Variants in SLC45A2 observed in about 807,000 individuals in gnomAD.
SLC45A2 encodes the protein membrane-associated transporter protein.
SLC45A2 carries 36 observed loss-of-function variants against 45.5 expected under a neutral mutation model. The observed-to-expected ratio is 0.79, with a 90% confidence interval of 0.61 to 1.04. SLC45A2 has a LOEUF of 1.04. Among genes scored for constraint, SLC45A2 ranks in the 50% least tolerant of loss-of-function variants. SLC45A2 has a pLI of 0.00. For missense variants in SLC45A2, 719 were observed against 671.0 expected, an observed-to-expected ratio of 1.07 and a Z score of -0.79; for synonymous variants, 306 against 269.3, an observed-to-expected ratio of 1.14 and a Z score of -1.33.
chr5:33,975,578 C>T (rs183348592), intron 2 of SLC45A2, among the ~76,000 whole-genome samples: 2 of 152,226 alleles, frequency 1.3e-5, no homozygotes, highest in Admixed American at 1.3e-4. Context: ...TTATAATAGT[C>T]TTGGTCTTTA....
rs1223972295 is a variant in SLC45A2, at chr5:33,982,430, AT to A, written c.386-19del. 25 of 1,611,886 alleles carry A rather than the reference AT, an allele frequency of 1.6e-5. No individual in the cohort carries two copies. Among genetic ancestry groups the A allele is most frequent in the African/African-American group, 2.7e-5 (2 of 74,802 alleles). ...AATCAAAGCTAAAAGAAAAATAAAC[AT>A]TGGTCTCCTAAATCCTGTTTTAGAA... is the stretch of plus-strand genomic sequence containing the variant. On this transcript the variant is annotated intron_variant, in intron 1 of 6. Transcript: ENST00000296589.
chr5:33,960,195 A>G (rs1383243589), intron 3 of SLC45A2, among the ~76,000 whole-genome samples: 1 of 152,126 alleles, frequency 6.6e-6, no homozygotes, highest in Non-Finnish European at 1.5e-5. Flanking sequence ...ACAAGTTTAT[A>G]TCAACACCAG....
chr5:33,971,951 G>A (rs1243992351), intron 2 of SLC45A2: 4 of 428,570 alleles, frequency 9.3e-6, no homozygotes, highest in Non-Finnish European at 1.4e-5. Flanking sequence ...TGTATCTTCT[G>A]TAGAGATGGG....
At chr5:33,970,555 G>A (rs1387045039) in intron 2 of SLC45A2, among the ~76,000 whole-genome samples, 1 of 132,808 alleles carries the variant, frequency 7.5e-6, no homozygotes, top group East Asian at 2.5e-4. Flanking sequence ...TAGCTGGTTG[G>A]CTGACTGGCT....
chr5:33,969,065 C>CTCTCTCTCTCTCTCTCTCTGTGTG lies in SLC45A2; in HGVS notation c.563-5050_563-5049insCACACAGAGAGAGAGAGAGAGAGA. Among the ~76,000 whole-genome samples, 437 of 102,402 alleles carry CTCTCTCTCTCTCTCTCTCTGTGTG rather than the reference C, an allele frequency of 4.3e-3. 2 individuals are homozygous for CTCTCTCTCTCTCTCTCTCTGTGTG. The highest frequency in any genetic ancestry group is 0.023 in the East Asian group (92 of 3,964). 67.2% of individuals were successfully genotyped at this position (102,402 alleles called of 152,430 possible). On this transcript the variant is annotated intron_variant, in intron 2 of 6. Transcript: ENST00000296589. Reference sequence around the variant, plus strand: ...AGCTACTCTCTCTCTCTCTCTCTCTCTGTGTGTGTGTGTGTGTGTGTGTGT... The same window carrying CTCTCTCTCTCTCTCTCTCTGTGTG: ...AGCTACTCTCTCTCTCTCTCTCTCTCTCTCTCTCTCTCTCTCTCTGTGTGTGTGTGTGTGTGTGTGTGTGTGTGT...
At chr5:33,952,819 A>ATCTC (rs1752154307) in intron 4 of SLC45A2, among the ~76,000 whole-genome samples, 1 of 132,746 alleles carries the variant, frequency 7.5e-6, no homozygotes, top group Non-Finnish European at 1.6e-5. Context: ...CATTAGGTAT[A>ATCTC]TCTCCCAATG....
At chr5:33,946,214 C>T (rs1751922015) in intron 6 of SLC45A2, 4 of 985,448 alleles carry the variant, frequency 4.1e-6, no homozygotes, top group Non-Finnish European at 4.8e-6. Context: ...CCATTAGCAG[C>T]AACATCCCAC....
chr5:33,947,601 T>TTC (rs1751976940), intron 5 of SLC45A2, among the ~76,000 whole-genome samples: 1 of 152,192 alleles, frequency 6.6e-6, no homozygotes, highest in East Asian at 1.9e-4. Flanking sequence ...GGCTGATTTT[T>TTC]TTTCTACAAA....
intron 5 of SLC45A2, among the ~76,000 whole-genome samples, chr5:33,947,605 C>T (rs142167897): frequency 0.011 from 1,619 of 152,090 alleles, 12 homozygotes; most frequent in Non-Finnish European, 0.019. Flanking sequence ...GATTTTTTTT[C>T]TACAAAGAAG....
intron 3 of SLC45A2, among the ~76,000 whole-genome samples, chr5:33,962,692 G>C (rs917688605): frequency 6.6e-6 from 1 of 152,240 alleles, no homozygotes; most frequent in Non-Finnish European, 1.5e-5. Context: ...TAACACAAAT[G>C]TAAATGCCCA....
At chr5:33,972,445 T>C (rs953560822) in intron 2 of SLC45A2, 8 of 313,020 alleles carry the variant, frequency 2.6e-5, no homozygotes, top group Non-Finnish European at 4.5e-5. Flanking sequence ...AAATTAATTA[T>C]GGAGTAATTG....
intron 6 of SLC45A2, chr5:33,945,996 T>A: frequency 1.0e-6 from 1 of 985,476 alleles, no homozygotes; most frequent in Non-Finnish European, 1.2e-6. Context: ...CTTTTGTGTA[T>A]CATTGTGAAT....
chr5:33,961,472 T>G (rs1752453254), intron 3 of SLC45A2, among the ~76,000 whole-genome samples: 1 of 152,188 alleles, frequency 6.6e-6, no homozygotes, highest in Non-Finnish European at 1.5e-5. Context: ...TAAAAAAAAT[T>G]TTTTATGTCT....
In SLC45A2 at chr5:33,947,400, T is replaced by C. The variant is rs751928668; in HGVS notation, c.1157-26A>G. ...CTGTGGGAAGAAGAGAGGGAGAAAT[T>C]ACAGCTGGCAGTGCCTCATAACATT... is the stretch of plus-strand genomic sequence containing the variant. On this transcript the variant is annotated intron_variant, in intron 5 of 6. Coordinates refer to ENST00000296589, the MANE Select transcript of SLC45A2 (RefSeq NM_016180.5). 4 of 1,596,004 alleles carry C rather than the reference T, an allele frequency of 2.5e-6. No homozygotes were observed. The Admixed American group carries it at 6.7e-5, about 27-fold the overall frequency.
At chr5:33,965,122 C>T (rs1273119397) in intron 2 of SLC45A2, among the ~76,000 whole-genome samples, 1 of 152,130 alleles carries the variant, frequency 6.6e-6, no homozygotes, top group Non-Finnish European at 1.5e-5. Flanking sequence ...CTGAACAGAT[C>T]AGCTTTCATT....
intron 2 of SLC45A2, among the ~76,000 whole-genome samples, chr5:33,965,618 T>C (rs529315673): frequency 1.4e-4 from 21 of 152,324 alleles, no homozygotes; most frequent in Middle Eastern, 3.4e-3. Flanking sequence ...GGACAGATGA[T>C]GGTGAAGTGC....
intron 2 of SLC45A2, among the ~76,000 whole-genome samples, chr5:33,965,151 TG>T (rs1026794414): frequency 7.9e-5 from 12 of 152,156 alleles, no homozygotes; most frequent in Non-Finnish European, 1.2e-4. Context: ...TGATTTTTTT[TG>T]TGTGTGTGTA....
chr5:33,951,304 A>G (rs1446731671), intron 5 of SLC45A2: 5 of 1,027,208 alleles, frequency 4.9e-6, no homozygotes, highest in Non-Finnish European at 6.7e-6. Context: ...TTCATTTTCC[A>G]GAGAAACTTG....
chr5:33,972,698 G>C (rs188091951), intron 2 of SLC45A2: 1 of 152,602 alleles, frequency 6.6e-6, no homozygotes, highest in Non-Finnish European at 1.5e-5. Flanking sequence ...AATACTATAC[G>C]TATTGCCAAT....
Sources: allele counts gnomAD v4.1 joint callset (sites outside exome capture counted in the v4.1 genomes callset), GRCh38; gene constraint gnomAD v4.1.1; transcripts MANE v1.5; gene names NCBI Gene and HGNC (gene_info 2026-07-23, HGNC 2026-07-21).